HMGB1: variants seen among roughly 807,000 people sequenced by gnomAD.
HMGB1 encodes high mobility group box 1.
For missense variants in HMGB1, 79 were observed against 253.5 expected (o/e 0.31, Z 4.67); for synonymous variants, 81 against 84.0 (o/e 0.96, Z 0.19).
intron 1 of HMGB1, among the ~76,000 whole-genome samples, chr13:30,604,619 G>C (rs1489940413): frequency 6.6e-6 from 1 of 152,210 alleles, no homozygotes; most frequent in Non-Finnish European, 1.5e-5. Flanking sequence ...TGAGATGGCA[G>C]TGGTAAGAGC....
At chr13:30,505,949 C>A (rs1887856445) in intron 1 of HMGB1, among the ~76,000 whole-genome samples, 1 of 151,776 alleles carries the variant, frequency 6.6e-6, no homozygotes, top group South Asian at 2.1e-4. Context: ...GGTCTTGAAC[C>A]CCTGGCGTCT....
At chr13:30,524,867 C>T (rs1038643072) in intron 1 of HMGB1, among the ~76,000 whole-genome samples, 2 of 152,152 alleles carry the variant, frequency 1.3e-5, no homozygotes, top group Non-Finnish European at 2.9e-5. Flanking sequence ...CCACAGGCCC[C>T]TCCTAAGATT....
intron 1 of HMGB1, among the ~76,000 whole-genome samples, chr13:30,513,515 T>C (rs1192844449): frequency 6.6e-6 from 1 of 152,216 alleles, no homozygotes; most frequent in Non-Finnish European, 1.5e-5. Context: ...CATAAGGTAG[T>C]GGGAACTTAA....
intron 1 of HMGB1, among the ~76,000 whole-genome samples, chr13:30,588,122 T>A (rs1397280048): frequency 2.6e-5 from 4 of 152,200 alleles, no homozygotes; most frequent in African/African-American, 9.6e-5. Context: ...TGCTCAGCAC[T>A]GCCAAAGAGG....
intron 1 of HMGB1, among the ~76,000 whole-genome samples, chr13:30,522,267 C>T (rs1237844397): frequency 6.6e-6 from 1 of 152,054 alleles, no homozygotes; most frequent in African/African-American, 2.4e-5. Context: ...TAGATGCCAT[C>T]ATGCCCAGCT....
At chr13:30,505,937 C>CTGG (rs1344470518) in intron 1 of HMGB1, among the ~76,000 whole-genome samples, 13 of 151,940 alleles carry the variant, frequency 8.6e-5, no homozygotes, top group Admixed American at 6.6e-5. Flanking sequence ...GTTCGCCAGG[C>CTGG]TGGTCTTGAA....
chr13:30,512,699 T>A (rs943674735), intron 1 of HMGB1, among the ~76,000 whole-genome samples: 2 of 152,162 alleles, frequency 1.3e-5, no homozygotes, highest in African/African-American at 2.4e-5. Context: ...CACTCAGTAA[T>A]AATAATGATA....
chr13:30,460,480 A>G lies in HMGB1; in HGVS notation c.*877T>C, dbSNP rs572869891. The G allele has an allele frequency of 1.7e-4, 26 of 151,874 alleles. No individual in the cohort carries two copies. In the East Asian group the frequency reaches 5.0e-3, roughly 29 times the overall value. 9.4% of individuals were successfully genotyped at this position (151,874 alleles called of 1,614,324 possible). On this transcript the variant is annotated 3_prime_UTR_variant, in exon 5 of 5. Coordinates refer to ENST00000341423, the MANE Select transcript of HMGB1 (RefSeq NM_002128.7). ...TTCTCAGGTCTTCTTTAATGTGGGAACTGCAAAATATAACTGCCATTACAT... is the reference window on the plus strand; with the variant it reads ...TTCTCAGGTCTTCTTTAATGTGGGAGCTGCAAAATATAACTGCCATTACAT...
At chr13:30,522,736 C>CT (rs11402797) in intron 1 of HMGB1, among the ~76,000 whole-genome samples, 130,989 of 146,866 alleles carry the variant, frequency 0.89, 58,530 homozygotes, top group East Asian at 0.96. Context: ...GTCTAAAAGT[C>CT]TTTTTTTTTT....
At chr13:30,501,920 T>C (rs2137453189) in intron 1 of HMGB1, among the ~76,000 whole-genome samples, 1 of 152,312 alleles carries the variant, frequency 6.6e-6, no homozygotes, top group East Asian at 1.9e-4. Flanking sequence ...TTTCTCATAT[T>C]AGATAAGAAA....
intron 4 of HMGB1, among the ~76,000 whole-genome samples, chr13:30,462,162 T>C (rs1043855176): frequency 6.6e-6 from 1 of 152,186 alleles, no homozygotes; most frequent in Non-Finnish European, 1.5e-5. Flanking sequence ...GAAAAGAACA[T>C]AAATGTTTCA....
At chr13:30,541,740 G>T in intron 1 of HMGB1, 1 of 156,960 alleles carries the variant, frequency 6.4e-6, no homozygotes, top group Non-Finnish European at 1.4e-5. Flanking sequence ...TCTTGGCCCC[G>T]TGTTGGGTAG....
At chr13:30,462,782 T>G in intron 3 of HMGB1, 70 bp from the exon 4 acceptor site, 2 of 1,212,196 alleles carry the variant, frequency 1.6e-6, no homozygotes, top group Non-Finnish European at 2.4e-6. Flanking sequence ...AAGTGTACAC[T>G]GCATTGCTAT....
chr13:30,609,019 G>T lies in HMGB1; in HGVS notation c.-15+7652C>A, dbSNP rs545839958. Among the ~76,000 whole-genome samples, 116 of 139,632 alleles carry T rather than the reference G, an allele frequency of 8.3e-4. 1 individual carries two copies. Among genetic ancestry groups the T allele is most frequent in the Non-Finnish European group, 1.7e-3 (99 of 59,838 alleles). The allele number at this position is 139,632 out of a possible 152,430, so 91.6% of individuals were successfully genotyped here. A position where few individuals can be genotyped will look rare whatever the true frequency, so the allele number is the denominator to read the frequency against. On this transcript the variant is annotated intron_variant, in intron 1 of 4. Coordinates refer to the HMGB1 transcript ENST00000405805. The stretch of plus-strand genomic sequence containing the variant: ...GCTCACGCCTGTAATCCCAGCACTT[G>T]GGGAGGCCAAGGCGGGTGGATCACG...
At chr13:30,552,071 C>T (rs1203098193) in intron 1 of HMGB1, among the ~76,000 whole-genome samples, 2 of 152,138 alleles carry the variant, frequency 1.3e-5, no homozygotes, top group Non-Finnish European at 2.9e-5. Flanking sequence ...CAGACTGCTC[C>T]TCCCCAACCC....
intron 1 of HMGB1, among the ~76,000 whole-genome samples, chr13:30,475,295 GTC>G (rs1445907024): frequency 6.8e-6 from 1 of 147,362 alleles, no homozygotes; most frequent in Non-Finnish European, 1.5e-5. Context: ...GCTCACTGCA[GTC>G]TCCTCCCACC....
chr13:30,543,638 C>A (rs78746440), intron 1 of HMGB1, among the ~76,000 whole-genome samples: 1 of 152,118 alleles, frequency 6.6e-6, no homozygotes, highest in African/African-American at 2.4e-5. Context: ...CAGGGCAGCA[C>A]CTGAACTAGC....
intron 4 of HMGB1, 195 bp from the exon 5 acceptor site, chr13:30,461,728 A>C (rs1191018813): frequency 1.4e-6 from 2 of 1,410,048 alleles, no homozygotes; most frequent in East Asian, 4.7e-5. Context: ...TCATTATAAC[A>C]ATCTATAACT....
chr13:30,600,402 T>C (rs1950387368), intron 1 of HMGB1, among the ~76,000 whole-genome samples: 1 of 151,520 alleles, frequency 6.6e-6, no homozygotes, highest in Non-Finnish European at 1.5e-5. Context: ...TTGTTTAAGA[T>C]AATAAGACAA....
Sources: gnomAD v4.1 joint callset for allele counts (sites outside exome capture counted in the v4.1 genomes callset) on GRCh38, gnomAD v4.1.1 for gene constraint, MANE v1.5 for transcripts, NCBI Gene and HGNC (gene_info 2026-07-23, HGNC 2026-07-21) for gene names.